Variants in ALK observed in about 807,000 individuals in gnomAD.
The protein encoded by ALK is ALK tyrosine kinase receptor.
ALK carries 74 observed loss-of-function variants against 163.1 expected under a neutral mutation model. That is an observed-to-expected ratio of 0.45 (90% CI 0.38 to 0.55). The LOEUF is 0.55. Ranked by LOEUF, ALK falls within the 20% of genes least tolerant of loss-of-function variation. The probability of loss-of-function intolerance (pLI) is 0.00; values close to 1 mark genes in which losing one functional copy is unlikely to be tolerated. For synonymous variants in ALK, 960 were observed against 843.2 expected, an observed-to-expected ratio of 1.14 and a Z score of -2.40; for missense variants, 2,063 against 2,105.3, an observed-to-expected ratio of 0.98 and a Z score of 0.39.
intron 2 of ALK, among the ~76,000 whole-genome samples, chr2:29,711,949 A>T (rs1186846993): frequency 2.0e-5 from 3 of 151,944 alleles, no homozygotes; most frequent in African/African-American, 7.3e-5. Context: ...CTCTTATTAT[A>T]TTTTATTCTG....
chr2:29,473,294 A>G (rs1470556103), intron 4 of ALK, among the ~76,000 whole-genome samples: 7 of 152,232 alleles, frequency 4.6e-5, no homozygotes, highest in African/African-American at 1.7e-4. Flanking sequence ...AAATGAGCCT[A>G]TACCTCTACT....
At chr2:29,913,504 T>C (rs1039797752) in intron 1 of ALK, among the ~76,000 whole-genome samples, 3 of 152,116 alleles carry the variant, frequency 2.0e-5, no homozygotes, top group African/African-American at 4.8e-5. Flanking sequence ...ACAATGGCTG[T>C]AAAGAAGAAG....
chr2:29,308,815 G>A (rs1666615781), intron 8 of ALK, among the ~76,000 whole-genome samples: 1 of 152,116 alleles, frequency 6.6e-6, no homozygotes, highest in Non-Finnish European at 1.5e-5. Context: ...AAAAGAGCAG[G>A]CAGGGGACAC....
intron 6 of ALK, 57 bp from the exon 7 acceptor site, chr2:29,320,939 C>G: frequency 6.2e-7 from 1 of 1,611,298 alleles, no homozygotes; most frequent in Non-Finnish European, 8.5e-7. Context: ...GCAAAATATG[C>G]CAATGCCAAG....
chr2:29,452,803 T>A (rs1005879212), intron 4 of ALK, among the ~76,000 whole-genome samples: 1 of 152,166 alleles, frequency 6.6e-6, no homozygotes, highest in South Asian at 2.1e-4. Context: ...CTGAGAAGGA[T>A]CCATCACTTC....
intron 1 of ALK, among the ~76,000 whole-genome samples, chr2:29,803,016 T>TA (rs1664525009): frequency 6.6e-6 from 1 of 152,212 alleles, no homozygotes; most frequent in Non-Finnish European, 1.5e-5. Context: ...AAAAAGTAGT[T>TA]ACAATGTATT....
intron 5 of ALK, among the ~76,000 whole-genome samples, chr2:29,380,105 C>CTT (rs200374527): frequency 3.6e-4 from 49 of 137,826 alleles, no homozygotes; most frequent in South Asian, 1.7e-3. Context: ...GTGCTGCACA[C>CTT]TTTTTTTTTT....
At chr2:29,633,340 T>C (rs1015095275) in intron 3 of ALK, among the ~76,000 whole-genome samples, 5 of 152,090 alleles carry the variant, frequency 3.3e-5, no homozygotes, top group Non-Finnish European at 5.9e-5. Flanking sequence ...CTATTACACA[T>C]AGATCCCAAA....
intron 1 of ALK, among the ~76,000 whole-genome samples, chr2:29,775,178 A>G (rs1339122634): frequency 1.3e-5 from 2 of 152,208 alleles, no homozygotes; most frequent in Non-Finnish European, 2.9e-5. Context: ...ATACAACATT[A>G]TGCTCAGTGG....
intron 3 of ALK, among the ~76,000 whole-genome samples, chr2:29,683,740 C>T (rs1207768437): frequency 6.6e-6 from 1 of 152,106 alleles, no homozygotes; most frequent in Non-Finnish European, 1.5e-5. Context: ...TATGTGAATG[C>T]CTGGGCCCAG....
intron 3 of ALK, among the ~76,000 whole-genome samples, chr2:29,678,870 G>T (rs984412122): frequency 6.6e-6 from 1 of 151,712 alleles, no homozygotes; most frequent in Non-Finnish European, 1.5e-5. Context: ...TCGTTAGGTG[G>T]AAAGGTGTTT....
chr2:29,840,652 A>G (rs1002344573), intron 1 of ALK, among the ~76,000 whole-genome samples: 1 of 152,236 alleles, frequency 6.6e-6, no homozygotes, highest in Non-Finnish European at 1.5e-5. Context: ...GTATGGCTAT[A>G]TGAGATCTTG....
At chr2:29,528,982 C>A (rs1403537215) in intron 4 of ALK, among the ~76,000 whole-genome samples, 1 of 152,190 alleles carries the variant, frequency 6.6e-6, no homozygotes, top group African/African-American at 2.4e-5. Context: ...CAGCCTTGGC[C>A]AACGTGGCCA....
At position 29,246,233 on chromosome 2, in the gene ALK, A is replaced by G. The variant is rs1664666612; in HGVS notation, c.2204+4872T>C. Among the ~76,000 whole-genome samples the G allele has an allele frequency of 1.3e-5, 2 of 150,674 alleles. No individual in the cohort carries two copies. The highest frequency in any genetic ancestry group is 1.3e-4 in the Admixed American group (2 of 15,174). On this transcript the variant is annotated intron_variant, in intron 12 of 28. Transcript: ENST00000389048. This position sits in a 1 kb window ranked among gnomAD's most constrained non-coding sequence, Gnocchi z 4.3. The stretch of plus-strand genomic sequence containing the variant: ...CAGGCTGGAGGGGGAGAGAGGGAAG[A>G]AGGAGGAAAGAAGTCAGGGAGAGAG...
intron 3 of ALK, among the ~76,000 whole-genome samples, chr2:29,541,688 G>T (rs986701611): frequency 1.3e-5 from 2 of 152,202 alleles, no homozygotes; most frequent in Non-Finnish European, 2.9e-5. Flanking sequence ...TCAAATGGCT[G>T]CTTGGAGAGT....
At chr2:29,438,256 G>A (rs572145118) in intron 4 of ALK, among the ~76,000 whole-genome samples, 3 of 152,356 alleles carry the variant, frequency 2.0e-5, no homozygotes, top group Non-Finnish European at 1.5e-5. Flanking sequence ...CTGAGGCTCA[G>A]TGTAGTTAGA....
intron 13 of ALK, among the ~76,000 whole-genome samples, chr2:29,238,254 T>C (rs773128733): frequency 6.6e-6 from 1 of 152,194 alleles, no homozygotes; most frequent in East Asian, 1.9e-4. Flanking sequence ...TGGAGTGCAG[T>C]GGTGCGATCT....
intron 2 of ALK, among the ~76,000 whole-genome samples, chr2:29,705,277 A>ATC (rs1678872498): frequency 6.7e-5 from 3 of 44,968 alleles, no homozygotes; most frequent in African/African-American, 5.5e-4. Context: ...ATATATATAT[A>ATC]TATAAATATA....
Position 29,383,752 on chromosome 2 carries a change from G to A in ALK, c.1262C>T (p.Ala421Val), listed in dbSNP as rs1267142388. The change falls in exon 5 of 29, where the codon GCC (alanine) becomes GTC (valine). Residue 421 changes from alanine (A) to valine (V), a missense_variant. By Grantham distance (64) the Ala-to-Val change is moderately conservative (BLOSUM62 0). Around this residue, in one of 5 missense-constraint regions of ALK, gnomAD observed 987 missense variants for 939.5 expected, o/e 1.05. Coordinates refer to ENST00000389048, the MANE Select transcript of ALK (RefSeq NM_004304.5). ...GATACCTTCACTGCAGTTCTTCAGG[G>A]CAAAGAAGTCCACTGCAGACAAGCT... Reference protein sequence around the residue: ...NRSLSAVDFFALKNCSEGTSP... With the variant: ...NRSLSAVDFFVLKNCSEGTSP... The A allele has an allele frequency of 1.2e-6, 2 of 1,614,136 alleles. No individual in the cohort carries two copies. The highest frequency in any genetic ancestry group is 1.7e-6 in the Non-Finnish European group (2 of 1,180,004).
Sources: allele counts gnomAD v4.1 joint callset (sites outside exome capture counted in the v4.1 genomes callset), GRCh38; gene constraint gnomAD v4.1.1; regional missense constraint gnomAD v4.1.1; non-coding constraint Gnocchi (gnomAD v3.1); transcripts MANE v1.5; gene names NCBI Gene and HGNC (gene_info 2026-07-23, HGNC 2026-07-21).